CLEC12A: variants seen among roughly 807,000 people sequenced by gnomAD.
CLEC12A encodes C-type lectin protein CLL-1.
Under a neutral mutation model 26.5 loss-of-function variants are expected in CLEC12A, and 22 were observed. The ratio of observed to expected loss-of-function variants is 0.83; its 90% CI spans 0.59 to 1.19. The LOEUF (loss-of-function observed/expected upper bound fraction) is 1.19. CLEC12A is among the 50% of genes most tolerant of loss of function. The pLI is 0.00. For synonymous variants in CLEC12A, 119 were observed against 101.9 expected (o/e 1.17, Z -1.01); for missense variants, 353 against 315.6 (o/e 1.12, Z -0.90).
intron 1 of CLEC12A, among the ~76,000 whole-genome samples, chr12:9,957,468 ATG>A (rs747098583): frequency 6.9e-3 from 29 of 4,212 alleles, no homozygotes; most frequent in Non-Finnish European, 0.019. Flanking sequence ...AGCCTGGGTG[ATG>A]ACAGAGTGAG....
chr12:9,969,110 G>A (rs1350460166), upstream of CLEC12A, among the ~76,000 whole-genome samples: 1 of 151,974 alleles, frequency 6.6e-6, no homozygotes, highest in Non-Finnish European at 1.5e-5. Context: ...GGGTGGTGGG[G>A]GATAAAGATA....
intron 1 of CLEC12A, among the ~76,000 whole-genome samples, chr12:9,963,052 G>C (rs1198841536): frequency 1.3e-5 from 2 of 152,136 alleles, no homozygotes; most frequent in African/African-American, 4.8e-5. Context: ...TTGTGGAGTT[G>C]CTAGAAGAAA....
intron 1 of CLEC12A, among the ~76,000 whole-genome samples, chr12:9,953,788 G>C (rs1332979295): frequency 6.6e-6 from 1 of 152,152 alleles, no homozygotes; most frequent in Non-Finnish European, 1.5e-5. Context: ...GTGGGGAAAA[G>C]ATTGAGAAAT....
intron 1 of CLEC12A, among the ~76,000 whole-genome samples, chr12:9,977,431 A>C (rs486134): frequency 0.55 from 84,245 of 152,082 alleles, 23,853 homozygotes; most frequent in East Asian, 0.84. Flanking sequence ...TAAAAACAAA[A>C]CAAAAGAAAA....
At chr12:9,953,221 G>C (rs1236994593) in intron 1 of CLEC12A, 1 of 123,542 alleles carries the variant, frequency 8.1e-6, no homozygotes, top group Non-Finnish European at 1.7e-5. Flanking sequence ...GCCCCGTCCA[G>C]GAGGTGAGGG....
exon 5 of CLEC12A, chr12:9,995,211 C>T (rs1456180835): frequency 6.2e-7 from 1 of 1,613,116 alleles, no homozygotes; most frequent in South Asian, 1.1e-5. Flanking sequence ...ATAATCCGAC[C>T]CAACGAATTA....
intron 1 of CLEC12A, among the ~76,000 whole-genome samples, chr12:9,961,359 G>T (rs1863826794): frequency 6.6e-6 from 1 of 152,068 alleles, no homozygotes; most frequent in Non-Finnish European, 1.5e-5. Flanking sequence ...ATGGTTGAGG[G>T]GCCTTAGAAT....
downstream of CLEC12A, chr12:9,998,388 C>T: frequency 6.2e-7 from 1 of 1,605,808 alleles, no homozygotes; most frequent in East Asian, 2.2e-5. Flanking sequence ...CAACTGTAGG[C>T]ATATAATAAA....
At chr12:9,990,881 A>G (rs1864876926) in intron 4 of CLEC12A, 1 of 152,240 alleles carries the variant, frequency 6.6e-6, no homozygotes, top group South Asian at 2.1e-4. Context: ...ATCAGCAGCC[A>G]TCAACATCAA....
At chr12:9,963,269 T>C (rs1296460611) in intron 1 of CLEC12A, among the ~76,000 whole-genome samples, 1 of 151,636 alleles carries the variant, frequency 6.6e-6, no homozygotes, top group Non-Finnish European at 1.5e-5. Flanking sequence ...TTGAGTTTTT[T>C]ATGTTGTCAT....
the CLEC12A span, among the ~76,000 whole-genome samples, chr12:10,002,494 G>C: frequency 1.4e-5 from 2 of 147,402 alleles, no homozygotes; most frequent in Admixed American, 6.8e-5. Context: ...CCAGGCTGGA[G>C]TGCAGTGGCG....
chr12:9,957,537 G>C (rs1223359066), intron 1 of CLEC12A, among the ~76,000 whole-genome samples: 1 of 151,588 alleles, frequency 6.6e-6, no homozygotes, highest in Non-Finnish European at 1.5e-5. Flanking sequence ...GGGTAGATAA[G>C]AGACAAATGG....
chr12:10,000,325 T>G (rs1335201086), downstream of CLEC12A, among the ~76,000 whole-genome samples: 3 of 152,248 alleles, frequency 2.0e-5, no homozygotes, highest in Non-Finnish European at 2.9e-5. Flanking sequence ...CACTCTGAAT[T>G]TCTTGTCAAT....
At chr12:9,953,529 C>T (rs1161858012) in intron 1 of CLEC12A, among the ~76,000 whole-genome samples, 2 of 151,438 alleles carry the variant, frequency 1.3e-5, no homozygotes, top group Non-Finnish European at 2.9e-5. Context: ...CGGCCGCCCC[C>T]TACTGGGAAG....
chr12:10,004,905 T>C, the CLEC12A span, among the ~76,000 whole-genome samples: 1 of 150,906 alleles, frequency 6.6e-6, no homozygotes. Flanking sequence ...CCTAATGCTA[T>C]CCCTCCCCAC....
At chr12:9,994,340 T>C (rs1301378819) in intron 4 of CLEC12A, among the ~76,000 whole-genome samples, 1 of 152,158 alleles carries the variant, frequency 6.6e-6, no homozygotes, top group Admixed American at 6.6e-5. Flanking sequence ...CCAAGGTCTG[T>C]GAAGAGGCTT....
chr12:10,003,127 C>T, the CLEC12A span, among the ~76,000 whole-genome samples: 2 of 152,080 alleles, frequency 1.3e-5, no homozygotes, highest in Admixed American at 1.3e-4. Context: ...TAACATAAAC[C>T]ACTTTTAAAC....
chr12:9,953,908 A>AC (rs2137087560), intron 1 of CLEC12A, among the ~76,000 whole-genome samples: 1 of 151,386 alleles, frequency 6.6e-6, no homozygotes, highest in South Asian at 2.1e-4. Context: ...CTGTGACCTT[A>AC]CCCCCAACCC....
intron 1 of CLEC12A, among the ~76,000 whole-genome samples, chr12:9,955,931 T>C (rs1326820388): frequency 6.6e-6 from 1 of 151,870 alleles, no homozygotes; most frequent in African/African-American, 2.4e-5. Flanking sequence ...AATTTTAAAA[T>C]AAATATTTCA....
Sources: allele counts gnomAD v4.1 joint callset (sites outside exome capture counted in the v4.1 genomes callset), GRCh38; gene constraint gnomAD v4.1.1; transcripts MANE v1.5; gene names NCBI Gene and HGNC (gene_info 2026-07-23, HGNC 2026-07-21).